The following USP7 variants were observed in gnomAD, a reference collection of about 807,000 sequenced individuals.
USP7 encodes the protein ubiquitin specific peptidase 7, also known as ubiquitin C-terminal hydrolase 7.
A neutral mutation model predicts 162.9 loss-of-function variants in USP7; 9 were observed. The observed-to-expected ratio is 0.06, with a 90% CI of 0.03 to 0.10. USP7 has a LOEUF of 0.10. Ranked by LOEUF, USP7 falls within the 10% of genes least tolerant of loss-of-function variation. USP7 has a pLI of 1.00. For synonymous variants in USP7, 562 were observed against 475.9 expected, an observed-to-expected ratio of 1.18 and a Z score of -2.35; for missense variants, 715 against 1,373.7, an observed-to-expected ratio of 0.52 and a Z score of 7.58.
intron 6 of USP7, among the ~76,000 whole-genome samples, chr16:8,918,810 A>G (rs1258460720): frequency 1.3e-5 from 2 of 152,178 alleles, no homozygotes; most frequent in Non-Finnish European, 2.9e-5. Context: ...CTCCATCTCA[A>G]TAAAGAAAAA....
intron 2 of USP7, among the ~76,000 whole-genome samples, chr16:8,926,108 C>A (rs988630130): frequency 3.3e-5 from 5 of 149,610 alleles, no homozygotes; most frequent in Middle Eastern, 3.3e-3. Flanking sequence ...GAGCTGAGAT[C>A]GCGCCACTGC....
chr16:8,939,852 C>T (rs936379176), intron 1 of USP7, among the ~76,000 whole-genome samples: 2 of 152,226 alleles, frequency 1.3e-5, no homozygotes, highest in African/African-American at 2.4e-5. Context: ...GTAATCACAG[C>T]ACTTTGGGAG....
At position 8,903,367 on chromosome 16, in the gene USP7, C is replaced by T. The variant is rs763503448; in HGVS notation, c.1740G>A (p.Gly580=). The change falls in exon 16 of 31, where the codon GGG becomes GGA. Residue 580 remains glycine, a synonymous_variant. Coordinates refer to ENST00000344836, the MANE Select transcript of USP7 (RefSeq NM_003470.3). The part of the protein sequence containing the change: ...VAEDQFCGHQ[G]NDMYDEEKVK... ...CTTTTTCTTCATCGTACATGTCATT[C>T]CCTTGGTGGCCACAAAACTGGTCCT... 17 of 1,613,954 alleles carry T rather than the reference C, an allele frequency of 1.1e-5. No homozygotes were observed. The South Asian group carries it at 1.9e-4, about 18-fold the overall frequency.
Position 8,910,817 on chromosome 16 carries a change from T to C in USP7, c.1089A>G (p.Ser363=), listed in dbSNP as rs1332494180. The C allele has an allele frequency of 1.9e-6, 3 of 1,613,918 alleles. No individual in the cohort carries two copies. The highest frequency in any genetic ancestry group is 2.5e-6 in the Non-Finnish European group (3 of 1,179,956). Residue 363 remains serine (S), a synonymous_variant, in exon 11 of 31, where the codon TCA becomes TCG. Transcript: ENST00000344836. ...SIKGKKNIFE[S]FVDYVAVEQL... is the part of the protein sequence containing the mutation. ...GTTCTACTGCCACATAATCCACAAATGATTCAAATACTTTAAAGAGAGAGA... is the reference window on the plus strand; with the variant it reads ...GTTCTACTGCCACATAATCCACAAACGATTCAAATACTTTAAAGAGAGAGA...
chr16:8,944,656 T>C (rs983699579), intron 1 of USP7, among the ~76,000 whole-genome samples: 6 of 152,222 alleles, frequency 3.9e-5, no homozygotes, highest in Non-Finnish European at 8.8e-5. Context: ...TTTTGCACCA[T>C]GTCACAGGCT....
intron 13 of USP7, among the ~76,000 whole-genome samples, chr16:8,905,795 C>T (rs566791835): frequency 6.6e-6 from 1 of 152,368 alleles, no homozygotes; most frequent in South Asian, 2.1e-4. Flanking sequence ...AGACTGAAGT[C>T]AACGTAGCAT....
In USP7 at chr16:8,920,222, C is replaced by A. The variant is rs1404087370; in HGVS notation, c.611+137G>T. ...TTAAACGAGTGTCAAGCAGGTGTGA[C>A]TCTGTGTGCCACAGGGCAAGCGCAG... On this transcript the variant is annotated intron_variant, in intron 5 of 30. Transcript: ENST00000344836. 8 of 708,270 alleles carry A rather than the reference C, an allele frequency of 1.1e-5. No individual in the cohort carries two copies. In the East Asian group the frequency reaches 2.0e-4, roughly 18 times the overall value. The allele number at this position is 708,270 out of a possible 1,614,324, so 43.9% of individuals were successfully genotyped here.
At chr16:8,931,346 G>A (rs1898325816) in intron 1 of USP7, among the ~76,000 whole-genome samples, 1 of 151,972 alleles carries the variant, frequency 6.6e-6, no homozygotes, top group Admixed American at 6.6e-5. Context: ...GTGCCACCAC[G>A]CCCAGCTAAT....
chr16:8,934,571 G>C (rs17747956), intron 1 of USP7, among the ~76,000 whole-genome samples: 2,870 of 152,332 alleles, frequency 0.019, 61 homozygotes, highest in East Asian at 0.071. Flanking sequence ...GTTCTAGTGT[G>C]AAGTTAGGGC....
chr16:8,900,850 A>T, intron 20 of USP7, 140 bp downstream of exon 20: 1 of 863,928 alleles, frequency 1.2e-6, no homozygotes, highest in Non-Finnish European at 1.7e-6. Flanking sequence ...AAATCTAAAT[A>T]TGTCATTCTC....
chr16:8,944,140 CCTT>C (rs1235345209), intron 1 of USP7, among the ~76,000 whole-genome samples: 18 of 152,240 alleles, frequency 1.2e-4, no homozygotes, highest in African/African-American at 3.6e-4. Flanking sequence ...CAGAAACTCT[CCTT>C]CTTGCCTTTT....
At chr16:8,953,205 G>C (rs190113093) in intron 1 of USP7, among the ~76,000 whole-genome samples, 58 of 152,082 alleles carry the variant, frequency 3.8e-4, no homozygotes, top group South Asian at 1.0e-3. Context: ...CCCTCCCCGC[G>C]GTAAGCCAGT....
intron 1 of USP7, among the ~76,000 whole-genome samples, chr16:8,937,420 T>C (rs1159493875): frequency 1.3e-5 from 2 of 152,182 alleles, no homozygotes; most frequent in East Asian, 1.9e-4. Flanking sequence ...CGCATGCCTG[T>C]AATCCCAGCT....
chr16:8,930,248 G>A (rs1444104430), intron 2 of USP7, 45 bp downstream of exon 2: 4 of 1,486,194 alleles, frequency 2.7e-6, no homozygotes, highest in East Asian at 2.3e-5. Context: ...CCTGTTTTCT[G>A]ACAAGTTTCC....
intron 12 of USP7, among the ~76,000 whole-genome samples, chr16:8,908,073 GTGGACTTAA>G (rs2061888553): frequency 6.6e-6 from 1 of 152,226 alleles, no homozygotes; most frequent in Non-Finnish European, 1.5e-5. Context: ...CCCCATCCTT[GTGGACTTAA>G]ATCAGCCATA....
At chr16:8,897,747 A>ATATATATATATATATATATATAT (rs1491214554) in intron 25 of USP7, among the ~76,000 whole-genome samples, 3 of 118,000 alleles carry the variant, frequency 2.5e-5, no homozygotes, top group Non-Finnish European at 3.4e-5. Flanking sequence ...ATATATATAT[A>ATATATATATATATATATATATAT]AATGAGTTGG....
chr16:8,920,588 T>C (rs1897632166), intron 4 of USP7, 141 bp from the exon 5 acceptor site: 1 of 706,556 alleles, frequency 1.4e-6, no homozygotes, highest in Non-Finnish European at 2.3e-6. Context: ...TTGCTAATTT[T>C]AGACTGTTTC....
At chr16:8,894,139 G>A in intron 30 of USP7, 35 bp from the exon 31 acceptor site, 1 of 1,590,740 alleles carries the variant, frequency 6.3e-7, no homozygotes, top group Non-Finnish European at 8.6e-7. Context: ...TGAGGCCACA[G>A]AGCAGCCCTG....
intron 15 of USP7, 77 bp from the exon 16 acceptor site, chr16:8,903,479 C>CTTTT (rs752927087): frequency 4.2e-5 from 61 of 1,456,432 alleles, no homozygotes; most frequent in Non-Finnish European, 5.0e-5. Context: ...CATTTAAACA[C>CTTTT]TAAAACGCTG....
Sources: gnomAD v4.1 joint callset for allele counts (sites outside exome capture counted in the v4.1 genomes callset) on GRCh38, gnomAD v4.1.1 for gene constraint, MANE v1.5 for transcripts, NCBI Gene and HGNC (gene_info 2026-07-23, HGNC 2026-07-21) for gene names.